Variants in CTBP2 observed in about 807,000 individuals in gnomAD.
CTBP2 encodes the protein C-terminal-binding protein 2.
In CTBP2, 30 loss-of-function variants were observed where a neutral mutation model predicts 80.3. The observed-to-expected ratio is 0.37, with a 90% CI of 0.28 to 0.51. The LOEUF is 0.51. Among genes scored for constraint, CTBP2 ranks in the 20% least tolerant of loss-of-function variants. The probability of loss-of-function intolerance (pLI) is 0.93; values close to 1 mark genes in which losing one functional copy is unlikely to be tolerated. For synonymous variants in CTBP2, 594 were observed against 587.4 expected, an observed-to-expected ratio of 1.01 and a Z score of -0.16; for missense variants, 1,212 against 1,375.3, an observed-to-expected ratio of 0.88 and a Z score of 1.88.
At chr10:125,095,482 A>G (rs983013336) in intron 2 of CTBP2, among the ~76,000 whole-genome samples, 3 of 152,166 alleles carry the variant, frequency 2.0e-5, no homozygotes, top group Admixed American at 6.5e-5. Context: ...AAGGGACGAA[A>G]TGAACCTGGG....
At chr10:125,114,474 T>C (rs982442634) in intron 1 of CTBP2, among the ~76,000 whole-genome samples, 3 of 151,956 alleles carry the variant, frequency 2.0e-5, no homozygotes, top group Non-Finnish European at 4.4e-5. Flanking sequence ...CTTCCACATA[T>C]AGGAAACTCA....
intron 1 of CTBP2, among the ~76,000 whole-genome samples, chr10:125,010,082 C>G (rs1955697123): frequency 6.6e-6 from 1 of 152,176 alleles, no homozygotes; most frequent in African/African-American, 2.4e-5. Flanking sequence ...AGACTGCGGG[C>G]AACAGGCATC....
At chr10:124,997,905 C>G in intron 4 of CTBP2, 59 bp downstream of exon 6, 1 of 1,554,954 alleles carries the variant, frequency 6.4e-7, no homozygotes, top group Non-Finnish European at 8.7e-7. Flanking sequence ...CGAGGGGTCC[C>G]CACTACACCA....
At chr10:125,123,257 C>T (rs983146393) in intron 1 of CTBP2, among the ~76,000 whole-genome samples, 2 of 152,154 alleles carry the variant, frequency 1.3e-5, no homozygotes, top group African/African-American at 4.8e-5. Context: ...AAATAGAGAC[C>T]TACCCGTGCT....
intron 1 of CTBP2, among the ~76,000 whole-genome samples, chr10:125,132,799 G>C (rs1856398999): frequency 6.6e-6 from 1 of 152,208 alleles, no homozygotes; most frequent in Admixed American, 6.5e-5. Context: ...ATGATGTACT[G>C]AAATATCAAC....
chr10:124,987,845 C>CAAAT lies in CTBP2; in HGVS notation c.*1669_*1672dup, dbSNP rs1225302544. 6.6e-6 allele frequency: 1 copy of CAAAT among 152,146 alleles called. No homozygotes were observed. The highest frequency in any genetic ancestry group is 1.5e-5 in the Non-Finnish European group (1 of 68,020). The allele number at this position is 152,146 out of a possible 1,614,324, so 9.4% of individuals were successfully genotyped here. ...AATTGTTGGACTTAATTGACACTTG[C>CAAAT]AAATACTTTTAGTATAAAGGTTTAA... On this transcript the variant is annotated 3_prime_UTR_variant, in exon 9 of 9. Coordinates refer to ENST00000309035, the MANE Select transcript of CTBP2 (RefSeq NM_022802.3).
At chr10:125,070,322 G>C (rs1222366407) in intron 2 of CTBP2, among the ~76,000 whole-genome samples, 2 of 151,866 alleles carry the variant, frequency 1.3e-5, no homozygotes, top group Admixed American at 1.3e-4. Context: ...CTGCACTCCA[G>C]CCTGAGTGAC....
Position 125,066,244 on chromosome 10 carries a change from A to G in CTBP2, c.-101-27089T>C, listed in dbSNP as rs1844613839. Reference sequence around the variant, plus strand: ...AACATGGCGATGGCTAGGCACAGGCAGCCACCCCTCTACCAAGCCACATCC... The same window carrying G: ...AACATGGCGATGGCTAGGCACAGGCGGCCACCCCTCTACCAAGCCACATCC... On this transcript the variant is annotated intron_variant, in intron 2 of 10. Transcript: ENST00000337195. This position sits in a 1 kb window ranked among gnomAD's most constrained non-coding sequence, Gnocchi z 4.1. Among the ~76,000 whole-genome samples, 1 of 152,128 alleles carries G rather than the reference A, an allele frequency of 6.6e-6. No homozygotes were observed. Among genetic ancestry groups the G allele is most frequent in the Admixed American group, 6.5e-5 (1 of 15,282 alleles).
Position 124,987,480 on chromosome 10 carries a change from C to G in CTBP2, c.*2038G>C, listed in dbSNP as rs1952083890. The stretch of plus-strand genomic sequence containing the variant: ...TTTGACTCTTAGGTTCATCGTGTCC[C>G]AGACTTCTTCACATATTCGTGAAGG... On this transcript the variant is annotated 3_prime_UTR_variant, in exon 9 of 9. Transcript: ENST00000309035. 6.6e-6 allele frequency: 1 copy of G among 152,150 alleles called. No individual in the cohort carries two copies. The highest frequency in any genetic ancestry group is 6.5e-5 in the Admixed American group (1 of 15,276). The allele number at this position is 152,150 out of a possible 1,614,324, so 9.4% of individuals were successfully genotyped here. A position where few individuals can be genotyped will look rare whatever the true frequency, so the allele number is the denominator to read the frequency against.
chr10:125,076,604 A>G (rs1459638280), intron 2 of CTBP2, among the ~76,000 whole-genome samples: 1 of 152,188 alleles, frequency 6.6e-6, no homozygotes, highest in East Asian at 1.9e-4. Flanking sequence ...CTCTCCACGC[A>G]GCACAGACTT....
chr10:125,046,745 G>A (rs144168231), intron 2 of CTBP2, among the ~76,000 whole-genome samples: 27 of 152,280 alleles, frequency 1.8e-4, no homozygotes, highest in African/African-American at 3.9e-4. Context: ...TCAGTGCTAG[G>A]AGAGGGCACA....
intron 2 of CTBP2, among the ~76,000 whole-genome samples, chr10:125,098,798 G>C (rs938110921): frequency 7.0e-6 from 1 of 143,274 alleles, no homozygotes; most frequent in Non-Finnish European, 1.5e-5. Context: ...GAGACAGAGA[G>C]ACACCCAGGC....
At chr10:125,051,221 G>A (rs750501748) in intron 2 of CTBP2, among the ~76,000 whole-genome samples, 24 of 152,142 alleles carry the variant, frequency 1.6e-4, no homozygotes, top group East Asian at 3.8e-4. Flanking sequence ...ATTCGAAAAC[G>A]GTACATGGAG....
chr10:125,153,639 C>T (rs925610116), intron 1 of CTBP2, among the ~76,000 whole-genome samples: 8 of 152,298 alleles, frequency 5.3e-5, no homozygotes, highest in African/African-American at 1.7e-4. Flanking sequence ...AATACTATCA[C>T]TTCCAGGTTA....
At chr10:125,096,483 C>T (rs534472277) in intron 2 of CTBP2, among the ~76,000 whole-genome samples, 4 of 152,302 alleles carry the variant, frequency 2.6e-5, no homozygotes, top group South Asian at 2.1e-4. Flanking sequence ...GGGACAACAT[C>T]GCTACTCGAC....
In CTBP2 at chr10:125,009,024, C is replaced by T. The variant is rs761375122; in HGVS notation, c.1679-5532G>A. ...AAAAAGTTCTAAGTTGCTAGCCAAT[C>T]GGGACAAATAGAGAATGTGAGGTCC... On this transcript the variant is annotated intron_variant, in intron 1 of 8. Coordinates refer to ENST00000309035, the MANE Select transcript of CTBP2 (RefSeq NM_022802.3). Among the ~76,000 whole-genome samples the T allele has an allele frequency of 5.9e-5, 9 of 152,264 alleles. No homozygotes were observed. In the East Asian group the frequency reaches 7.7e-4, roughly 13 times the overall value.
chr10:125,157,145 C>T (rs1374251880), intron 1 of CTBP2, among the ~76,000 whole-genome samples: 1 of 152,194 alleles, frequency 6.6e-6, no homozygotes, highest in African/African-American at 2.4e-5. Flanking sequence ...TTTCTCTTCA[C>T]GGAATTGATG....
chr10:125,137,034 A>G (rs1715873), intron 1 of CTBP2, among the ~76,000 whole-genome samples: 128,191 of 152,208 alleles, frequency 0.84, 54,091 homozygotes, highest in Middle Eastern at 0.92. Flanking sequence ...GAAAACGAGA[A>G]GTTTGTTTAC....
At chr10:125,059,329 C>T (rs1964540130) in intron 2 of CTBP2, among the ~76,000 whole-genome samples, 1 of 152,050 alleles carries the variant, frequency 6.6e-6, no homozygotes, top group South Asian at 2.1e-4. Flanking sequence ...GCTTGGAATC[C>T]CAGCACTTTG....
Sources: gnomAD v4.1 joint callset for allele counts (sites outside exome capture counted in the v4.1 genomes callset) on GRCh38, gnomAD v4.1.1 for gene constraint, Gnocchi (gnomAD v3.1) non-coding constraint, MANE v1.5 for transcripts, NCBI Gene and HGNC (gene_info 2026-07-23, HGNC 2026-07-21) for gene names.